Variants in ERBB4 observed in about 807,000 individuals in gnomAD.
The protein encoded by ERBB4 is erb-b2 receptor tyrosine kinase 4, also known as receptor tyrosine-protein kinase erbB-4.
ERBB4 carries 42 observed loss-of-function variants against 158.0 expected under a neutral mutation model. The observed-to-expected ratio is 0.27, with a 90% CI of 0.21 to 0.34. ERBB4 has a LOEUF of 0.34. Among genes scored for constraint, ERBB4 ranks in the 10% least tolerant of loss-of-function variants. The pLI is 1.00. For missense variants in ERBB4, 1,333 were observed against 1,624.1 expected, an observed-to-expected ratio of 0.82 and a Z score of 3.08; for synonymous variants, 583 against 558.7, an observed-to-expected ratio of 1.04 and a Z score of -0.61.
intron 20 of ERBB4, among the ~76,000 whole-genome samples, chr2:211,433,311 G>A (rs1351785338): frequency 1.3e-5 from 2 of 151,710 alleles, no homozygotes; most frequent in Non-Finnish European, 2.9e-5. Flanking sequence ...GCCGGGCGCG[G>A]TGGCTCACGC....
At chr2:211,860,959 AATATAT>A (rs1325317572) in intron 3 of ERBB4, among the ~76,000 whole-genome samples, 9 of 103,674 alleles carry the variant, frequency 8.7e-5, no homozygotes, top group South Asian at 3.0e-4. Context: ...TATATATATA[AATATAT>A]AAATATATTT....
At chr2:212,454,934 T>G (rs1006076273) in intron 1 of ERBB4, among the ~76,000 whole-genome samples, 1 of 152,140 alleles carries the variant, frequency 6.6e-6, no homozygotes, top group African/African-American at 2.4e-5. Flanking sequence ...CCTCACTTCA[T>G]TTTAGGGAAA....
intron 1 of ERBB4, among the ~76,000 whole-genome samples, chr2:212,467,388 T>A (rs1009297639): frequency 6.6e-6 from 1 of 151,856 alleles, no homozygotes; most frequent in Non-Finnish European, 1.5e-5. Context: ...AGGCCCAGAG[T>A]CCCTATGCTG....
chr2:212,273,306 G>A lies in ERBB4; in HGVS notation c.83-148403C>T, dbSNP rs546121127. The stretch of plus-strand genomic sequence containing the variant: ...TACTTAAATCATACATAATTTCACA[G>A]TTAGCCCAATTCATTGATAAATAGC... On this transcript the variant is annotated intron_variant, in intron 1 of 27. Coordinates refer to ENST00000342788, the MANE Select transcript of ERBB4 (RefSeq NM_005235.3). Among the ~76,000 whole-genome samples the A allele has an allele frequency of 4.1e-4, 63 of 151,824 alleles. No homozygotes were observed. In the South Asian group the frequency reaches 5.6e-3, roughly 13 times the overall value.
intron 18 of ERBB4, among the ~76,000 whole-genome samples, chr2:211,620,762 GAGA>G (rs901564060): frequency 4.6e-5 from 7 of 152,154 alleles, no homozygotes; most frequent in African/African-American, 1.7e-4. Context: ...AGTAACCACA[GAGA>G]AGATTACTTT....
intron 3 of ERBB4, among the ~76,000 whole-genome samples, chr2:211,936,025 A>C (rs747107603): frequency 5.3e-5 from 8 of 152,176 alleles, no homozygotes; most frequent in Non-Finnish European, 1.0e-4. Context: ...AGCCTAAATG[A>C]ATTCTAGTTA....
intron 2 of ERBB4, among the ~76,000 whole-genome samples, chr2:212,111,246 A>T (rs1432802089): frequency 6.6e-6 from 1 of 152,202 alleles, no homozygotes; most frequent in Non-Finnish European, 1.5e-5. Flanking sequence ...CTTTCCTTAT[A>T]ATGATTATTG....
chr2:211,756,874 G>A (rs1172917920), intron 4 of ERBB4, among the ~76,000 whole-genome samples: 1 of 152,176 alleles, frequency 6.6e-6, no homozygotes, highest in South Asian at 2.1e-4. Context: ...CAGACAAGCA[G>A]TGTAAAAATC....
intron 5 of ERBB4, among the ~76,000 whole-genome samples, chr2:211,737,679 T>C (rs2074646846): frequency 6.6e-6 from 1 of 152,206 alleles, no homozygotes; most frequent in South Asian, 2.1e-4. Flanking sequence ...CATGAAGCTG[T>C]TACAAAGATT....
chr2:211,897,406 T>C (rs188657548), intron 3 of ERBB4, among the ~76,000 whole-genome samples: 1 of 151,916 alleles, frequency 6.6e-6, no homozygotes, highest in Admixed American at 6.6e-5. Flanking sequence ...AAGGGCTCTT[T>C]TCATCTTCCT....
intron 1 of ERBB4, among the ~76,000 whole-genome samples, chr2:212,455,434 TA>T (rs1688240224): frequency 6.7e-6 from 1 of 148,670 alleles, no homozygotes; most frequent in African/African-American, 2.4e-5. Flanking sequence ...ATGATGAAAA[TA>T]TTCTCTCTGC....
At chr2:212,474,173 C>A (rs1482978037) in intron 1 of ERBB4, among the ~76,000 whole-genome samples, 1 of 150,770 alleles carries the variant, frequency 6.6e-6, no homozygotes, top group African/African-American at 2.4e-5. Context: ...ATTAATGGAC[C>A]AATATGACTC....
rs143051694 is a variant in ERBB4 at position 212,030,343 on chromosome 2, G to A, written c.235-82727C>T. Among the ~76,000 whole-genome samples the A allele has an allele frequency of 5.7e-4, 87 of 152,098 alleles. 1 individual carries two copies. The East Asian group carries it at 0.014, about 24-fold the overall frequency. On this transcript the variant is annotated intron_variant, in intron 2 of 27. Coordinates refer to ENST00000342788, the MANE Select transcript of ERBB4 (RefSeq NM_005235.3). Reference sequence around the variant, plus strand: ...TTACCACCACTTTCTCCCCTATCCAGTCTCTCCTTCCCATTGCTGCTACTT... The same window carrying A: ...TTACCACCACTTTCTCCCCTATCCAATCTCTCCTTCCCATTGCTGCTACTT...
At chr2:212,337,176 C>A (rs1456470337) in intron 1 of ERBB4, among the ~76,000 whole-genome samples, 3 of 151,990 alleles carry the variant, frequency 2.0e-5, no homozygotes, top group Admixed American at 2.0e-4. Flanking sequence ...ACAGGAACTG[C>A]AAATAGTTTG....
intron 20 of ERBB4, among the ~76,000 whole-genome samples, chr2:211,438,873 AT>A (rs1265407525): frequency 9.9e-5 from 15 of 152,128 alleles, no homozygotes; most frequent in Non-Finnish European, 2.1e-4. Context: ...AAGAACTTAG[AT>A]TTTGGAATAT....
intron 3 of ERBB4, among the ~76,000 whole-genome samples, chr2:211,875,025 C>CAAAAAAAAAAAAAAAAAAAA (rs746636278): frequency 3.7e-5 from 1 of 27,026 alleles, no homozygotes; most frequent in Admixed American, 5.6e-4. Flanking sequence ...AATAGAAATG[C>CAAAAAAAAAAAAAAAAAAAA]AAAAAAAAAA....
intron 1 of ERBB4, among the ~76,000 whole-genome samples, chr2:212,401,597 G>A (rs1358624321): frequency 6.6e-6 from 1 of 152,044 alleles, no homozygotes; most frequent in Non-Finnish European, 1.5e-5. Context: ...AATGAAATAA[G>A]CTTAGCTTAT....
chr2:212,108,512 G>A (rs2079298837), intron 2 of ERBB4, among the ~76,000 whole-genome samples: 1 of 152,180 alleles, frequency 6.6e-6, no homozygotes, highest in African/African-American at 2.4e-5. Context: ...GGTCATGCCA[G>A]TATTTTTTAT....
At chr2:212,508,176 T>G (rs1691298363) in intron 1 of ERBB4, among the ~76,000 whole-genome samples, 1 of 152,216 alleles carries the variant, frequency 6.6e-6, no homozygotes, top group African/African-American at 2.4e-5. Context: ...TTTTTGGACA[T>G]AATTGTACAC....
Sources: gnomAD v4.1 joint callset for allele counts (sites outside exome capture counted in the v4.1 genomes callset) on GRCh38, gnomAD v4.1.1 for gene constraint, MANE v1.5 for transcripts, NCBI Gene and HGNC (gene_info 2026-07-23, HGNC 2026-07-21) for gene names.